CHN2: variants seen among roughly 807,000 people sequenced by gnomAD.
CHN2 encodes chimerin 2.
A neutral mutation model predicts 56.3 loss-of-function variants in CHN2; 35 were observed. The observed-to-expected ratio is 0.62, with a 90% CI of 0.47 to 0.82. The LOEUF (loss-of-function observed/expected upper bound fraction) is 0.82, where lower values mean the gene tolerates loss of function less well. Among genes scored for constraint, CHN2 ranks in the 40% least tolerant of loss-of-function variants. The pLI is 0.00. For missense variants in CHN2, 491 were observed against 580.5 expected, an observed-to-expected ratio of 0.85 and a Z score of 1.58; for synonymous variants, 210 against 212.8, an observed-to-expected ratio of 0.99 and a Z score of 0.12.
At chr7:29,200,709 G>T (rs1440507048) in intron 1 of CHN2, 1 of 152,068 alleles carries the variant, frequency 6.6e-6, no homozygotes, top group African/African-American at 2.4e-5. Context: ...TCTGGTGCAG[G>T]CTGGTTGGTG....
chr7:29,212,889 C>T, intron 1 of CHN2: 1 of 1,610,680 alleles, frequency 6.2e-7, no homozygotes, highest in East Asian at 2.2e-5. Flanking sequence ...CAATGTGGAG[C>T]AACCAGACCT....
chr7:29,506,545 G>A (rs542022072), intron 10 of CHN2, among the ~76,000 whole-genome samples: 2 of 152,252 alleles, frequency 1.3e-5, no homozygotes, highest in African/African-American at 2.4e-5. Flanking sequence ...GCTGAGGCAC[G>A]AGAATTGCTT....
chr7:29,451,182 A>G (rs1485820348), intron 6 of CHN2, among the ~76,000 whole-genome samples: 2 of 152,224 alleles, frequency 1.3e-5, no homozygotes, highest in Non-Finnish European at 2.9e-5. Flanking sequence ...ATGGTAAATA[A>G]TACAAGTTAC....
intron 1 of CHN2, among the ~76,000 whole-genome samples, chr7:29,279,811 G>C (rs1269263557): frequency 6.6e-6 from 1 of 152,228 alleles, no homozygotes; most frequent in Non-Finnish European, 1.5e-5. Context: ...CCCAACTTCT[G>C]TGGGTGATGC....
chr7:29,366,972 T>C (rs1478067083), intron 2 of CHN2, among the ~76,000 whole-genome samples: 1 of 152,244 alleles, frequency 6.6e-6, no homozygotes, highest in African/African-American at 2.4e-5. Context: ...CTTATTACAT[T>C]TTCTAGAAAG....
chr7:29,463,093 C>A (rs751611152), intron 6 of CHN2, among the ~76,000 whole-genome samples: 22 of 152,058 alleles, frequency 1.4e-4, no homozygotes, highest in Non-Finnish European at 2.9e-4. Context: ...ACAAGGAAAT[C>A]TCACCTTATT....
At chr7:29,393,811 G>A (rs968888875) in intron 4 of CHN2, 101 bp downstream of exon 4, 23 of 401,304 alleles carry the variant, frequency 5.7e-5, no homozygotes, top group Non-Finnish European at 2.1e-5. Context: ...ATCATCATAT[G>A]TCTATTGTGC....
chr7:29,334,134 C>T (rs916518747), intron 1 of CHN2, among the ~76,000 whole-genome samples: 7 of 150,278 alleles, frequency 4.7e-5, no homozygotes, highest in African/African-American at 1.7e-4. Flanking sequence ...TCACTGCAAC[C>T]TCTGCCTCCC....
intron 1 of CHN2, among the ~76,000 whole-genome samples, chr7:29,224,146 G>C (rs1786016098): frequency 6.6e-6 from 1 of 152,126 alleles, no homozygotes; most frequent in South Asian, 2.1e-4. Context: ...CATTCTAAGG[G>C]CTACTTCTGA....
chr7:29,252,586 T>TTTTTGTTTTTTTTTG (rs56735453), intron 1 of CHN2, among the ~76,000 whole-genome samples: 6 of 28,900 alleles, frequency 2.1e-4, no homozygotes, highest in East Asian at 8.7e-4. Flanking sequence ...TTGTTTTTTT[T>TTTTTGTTTTTTTTTG]TTTTTTTTTT....
intron 1 of CHN2, among the ~76,000 whole-genome samples, chr7:29,332,031 A>AG (rs1169858601): frequency 6.8e-6 from 1 of 146,238 alleles, no homozygotes; most frequent in Non-Finnish European, 1.5e-5. Flanking sequence ...AAAAAAAAAA[A>AG]AGAGAAGGAT....
At chr7:29,229,926 G>C (rs1056207160) in intron 1 of CHN2, among the ~76,000 whole-genome samples, 61 of 152,018 alleles carry the variant, frequency 4.0e-4, no homozygotes, top group Non-Finnish European at 1.6e-4. Context: ...GCAGTGAGCT[G>C]AGATCACACC....
At chr7:29,200,969 C>G (rs1784114906) in intron 1 of CHN2, among the ~76,000 whole-genome samples, 1 of 152,084 alleles carries the variant, frequency 6.6e-6, no homozygotes, top group Admixed American at 6.5e-5. Context: ...GTGCAAATAC[C>G]CTGCCTTTCT....
intron 9 of CHN2, among the ~76,000 whole-genome samples, chr7:29,501,604 G>C (rs1789974004): frequency 6.6e-6 from 1 of 152,196 alleles, no homozygotes; most frequent in South Asian, 2.1e-4. Context: ...ACAAGAGCGA[G>C]ATAGAGTAGC....
intron 2 of CHN2, among the ~76,000 whole-genome samples, chr7:29,169,824 A>G (rs961427293): frequency 1.3e-5 from 2 of 151,026 alleles, no homozygotes; most frequent in African/African-American, 4.9e-5. Context: ...GATAAGATGT[A>G]TATATATATA....
intron 1 of CHN2, among the ~76,000 whole-genome samples, chr7:29,307,037 T>G (rs905292690): frequency 6.6e-6 from 1 of 152,246 alleles, no homozygotes; most frequent in African/African-American, 2.4e-5. Flanking sequence ...TCTCTCATTT[T>G]GGGGACAGCA....
At chr7:29,477,053 T>C (rs926636658) in intron 6 of CHN2, among the ~76,000 whole-genome samples, 1 of 152,178 alleles carries the variant, frequency 6.6e-6, no homozygotes, top group Non-Finnish European at 1.5e-5. Context: ...GAGCTGTCCT[T>C]GAGGAGCTGA....
At chr7:29,191,727 C>T (rs560722374), upstream of CHN2, 2 of 152,286 alleles carry the variant, frequency 1.3e-5, no homozygotes, top group African/African-American at 4.8e-5. Flanking sequence ...TTCTGTAGCA[C>T]CAATATTCTT....
At chr7:29,210,466 A>G (rs891626293) in intron 1 of CHN2, among the ~76,000 whole-genome samples, 1 of 152,042 alleles carries the variant, frequency 6.6e-6, no homozygotes, top group Non-Finnish European at 1.5e-5. Flanking sequence ...ACTTCATTCC[A>G]TATGTACTTA....
Sources: gnomAD v4.1 joint callset for allele counts (sites outside exome capture counted in the v4.1 genomes callset) on GRCh38, gnomAD v4.1.1 for gene constraint, MANE v1.5 for transcripts, NCBI Gene and HGNC (gene_info 2026-07-23, HGNC 2026-07-21) for gene names.